BTBD9: variants seen among roughly 807,000 people sequenced by gnomAD.
BTBD9 encodes BTB domain containing 9, also known as BTB/POZ domain-containing protein 9.
Under a neutral mutation model 64.3 loss-of-function variants are expected in BTBD9, and 49 were observed. The ratio of observed to expected loss-of-function variants is 0.76; its 90% CI spans 0.61 to 0.97. The LOEUF (loss-of-function observed/expected upper bound fraction) is 0.97. BTBD9 is among the 50% of genes least tolerant of loss of function. BTBD9 has a pLI of 0.00. For missense variants in BTBD9, 598 were observed against 762.1 expected, an observed-to-expected ratio of 0.78 and a Z score of 2.53; for synonymous variants, 260 against 274.7, an observed-to-expected ratio of 0.95 and a Z score of 0.53.
intron 6 of BTBD9, among the ~76,000 whole-genome samples, chr6:38,401,722 T>G (rs566445627): frequency 6.6e-6 from 1 of 152,302 alleles, no homozygotes; most frequent in Admixed American, 6.5e-5. Context: ...AAAACAGGCT[T>G]TGGAGTGAGT....
chr6:38,588,741 G>A (rs566438688), intron 4 of BTBD9, among the ~76,000 whole-genome samples: 1 of 152,200 alleles, frequency 6.6e-6, no homozygotes, highest in Non-Finnish European at 1.5e-5. Flanking sequence ...CAACTTCTTA[G>A]TTATTTTGGA....
At chr6:38,453,661 T>C (rs1206660984) in intron 6 of BTBD9, among the ~76,000 whole-genome samples, 1 of 152,166 alleles carries the variant, frequency 6.6e-6, no homozygotes, top group Non-Finnish European at 1.5e-5. Context: ...ACTGGATAGA[T>C]TCTGTGTAAA....
intron 7 of BTBD9, among the ~76,000 whole-genome samples, chr6:38,323,309 C>T (rs1425223515): frequency 6.6e-6 from 1 of 152,182 alleles, no homozygotes. Context: ...CCTACCCTTT[C>T]GGGCAATCCC....
Position 38,175,009 on chromosome 6 carries a change from G to A in BTBD9, c.1815C>T (p.Arg605=), listed in dbSNP as rs1413539550. The A allele has an allele frequency of 1.9e-6, 3 of 1,614,056 alleles. No individual in the cohort carries two copies. Among genetic ancestry groups the A allele is most frequent in the East Asian group, 2.2e-5 (1 of 44,890 alleles). The part of the protein sequence containing the change: ...SLPSSPGSNS[R]SPNRQHQ ...TTTATTGGTGCTGCCGGTTGGGGGA[G>A]CGTGAGTTGGAGCCTGGGCTGGAGG... The change falls in exon 11 of 11, where the codon CGC becomes CGT. Residue 605 remains arginine (R), a synonymous_variant. Transcript: ENST00000481247.
chr6:38,484,281 A>G (rs964549868), intron 6 of BTBD9, among the ~76,000 whole-genome samples: 2 of 152,220 alleles, frequency 1.3e-5, no homozygotes, highest in Non-Finnish European at 2.9e-5. Flanking sequence ...GGTAATCATT[A>G]GTTGTTTTTT....
At chr6:38,528,028 G>C (rs1435885013) in intron 6 of BTBD9, among the ~76,000 whole-genome samples, 1 of 152,166 alleles carries the variant, frequency 6.6e-6, no homozygotes. Context: ...AGGAAAGACA[G>C]TCTTGAATCA....
intron 10 of BTBD9, among the ~76,000 whole-genome samples, chr6:38,177,645 G>A (rs1761335636): frequency 6.6e-6 from 1 of 152,238 alleles, no homozygotes; most frequent in Non-Finnish European, 1.5e-5. Context: ...AGCCTGGGAA[G>A]AGATGCTGTC....
chr6:38,303,011 G>A (rs1392803258), intron 7 of BTBD9, among the ~76,000 whole-genome samples: 4 of 152,008 alleles, frequency 2.6e-5, no homozygotes, highest in Non-Finnish European at 4.4e-5. Flanking sequence ...TTGCCGTTGA[G>A]TTTACTTCCT....
At chr6:38,483,763 C>A (rs1227458474) in intron 6 of BTBD9, among the ~76,000 whole-genome samples, 1 of 152,210 alleles carries the variant, frequency 6.6e-6, no homozygotes, top group Non-Finnish European at 1.5e-5. Context: ...GCCTGGAACA[C>A]TTCTCCCTTA....
intron 6 of BTBD9, among the ~76,000 whole-genome samples, chr6:38,389,589 A>G (rs1017927914): frequency 6.6e-5 from 10 of 152,158 alleles, no homozygotes; most frequent in African/African-American, 2.4e-4. Flanking sequence ...GTAATTTTTT[A>G]CCACCTTTTT....
intron 6 of BTBD9, among the ~76,000 whole-genome samples, chr6:38,436,566 G>A (rs1208294743): frequency 6.6e-6 from 1 of 151,666 alleles, no homozygotes; most frequent in Non-Finnish European, 1.5e-5. Flanking sequence ...AGTAGAGACG[G>A]AGTTTCACCC....
At chr6:38,488,616 A>C (rs1202658242) in intron 6 of BTBD9, among the ~76,000 whole-genome samples, 1 of 152,194 alleles carries the variant, frequency 6.6e-6, no homozygotes, top group East Asian at 1.9e-4. Context: ...CTGCAAACCA[A>C]GGTGTGGTGG....
chr6:38,337,854 GT>G (rs967701559), intron 7 of BTBD9, among the ~76,000 whole-genome samples: 1 of 152,136 alleles, frequency 6.6e-6, no homozygotes, highest in Non-Finnish European at 1.5e-5. Flanking sequence ...TTACCAGCCT[GT>G]TTTTTTGTTC....
At chr6:38,325,042 G>A (rs1763368247) in intron 7 of BTBD9, among the ~76,000 whole-genome samples, 1 of 152,064 alleles carries the variant, frequency 6.6e-6, no homozygotes, top group South Asian at 2.1e-4. Context: ...ATATAAATTT[G>A]CTAATAATAT....
intron 6 of BTBD9, among the ~76,000 whole-genome samples, chr6:38,393,839 T>G (rs567194188): frequency 1.2e-4 from 18 of 152,284 alleles, no homozygotes; most frequent in Admixed American, 2.6e-4. Context: ...GTGGAGCATC[T>G]CAAAATCTTC....
At chr6:38,575,962 TA>T (rs1031944105) in intron 6 of BTBD9, among the ~76,000 whole-genome samples, 3 of 152,156 alleles carry the variant, frequency 2.0e-5, no homozygotes, top group Non-Finnish European at 4.4e-5. Context: ...GTATATTTTC[TA>T]AAAGCCAGAG....
intron 6 of BTBD9, among the ~76,000 whole-genome samples, chr6:38,541,477 G>A (rs12528814): frequency 0.18 from 27,471 of 152,132 alleles, 2,538 homozygotes; most frequent in Middle Eastern, 0.24. Flanking sequence ...AGTGGCTCAC[G>A]CCTGTAATCC....
intron 8 of BTBD9, among the ~76,000 whole-genome samples, chr6:38,268,340 C>G (rs1765085631): frequency 1.3e-5 from 2 of 152,194 alleles, no homozygotes; most frequent in African/African-American, 4.8e-5. Flanking sequence ...GCCATGGCTC[C>G]TCCCTGTTCC....
chr6:38,341,665 G>A (rs4711536), intron 7 of BTBD9, among the ~76,000 whole-genome samples: 5,093 of 152,340 alleles, frequency 0.033, 164 homozygotes, highest in East Asian at 0.1. Context: ...GAACATTTAT[G>A]AAATAGCAGT....
Sources: gnomAD v4.1 joint callset for allele counts (sites outside exome capture counted in the v4.1 genomes callset) on GRCh38, gnomAD v4.1.1 for gene constraint, MANE v1.5 for transcripts, NCBI Gene and HGNC (gene_info 2026-07-23, HGNC 2026-07-21) for gene names.